The following MACROD2 variants were observed in gnomAD, a reference collection of about 807,000 sequenced individuals.
The protein encoded by MACROD2 is ADP-ribose glycohydrolase MACROD2.
In MACROD2, 36 loss-of-function variants were observed where a neutral mutation model predicts 70.4. The ratio of observed to expected loss-of-function variants is 0.51; its 90% confidence interval spans 0.39 to 0.68. MACROD2 has a LOEUF of 0.68. Ranked by LOEUF, MACROD2 falls within the 30% of genes least tolerant of loss-of-function variation. MACROD2 has a pLI of 0.00. For synonymous variants in MACROD2, 172 were observed against 178.8 expected, an observed-to-expected ratio of 0.96 and a Z score of 0.30; for missense variants, 496 against 538.4, an observed-to-expected ratio of 0.92 and a Z score of 0.78.
At chr20:14,538,832 G>A (rs1179633128) in intron 4 of MACROD2, among the ~76,000 whole-genome samples, 2 of 152,122 alleles carry the variant, frequency 1.3e-5, no homozygotes, top group African/African-American at 4.8e-5. Flanking sequence ...TGTATAGCAT[G>A]TATCCCATTC....
chr20:14,604,671 G>C (rs1345950034), intron 4 of MACROD2, among the ~76,000 whole-genome samples: 1 of 152,120 alleles, frequency 6.6e-6, no homozygotes, highest in African/African-American at 2.4e-5. Flanking sequence ...TCCTCCAACA[G>C]GGATTTGGAA....
chr20:14,180,344 A>G (rs2081296053), intron 3 of MACROD2, among the ~76,000 whole-genome samples: 1 of 152,184 alleles, frequency 6.6e-6, no homozygotes, highest in Non-Finnish European at 1.5e-5. Flanking sequence ...TTCATTATGT[A>G]AATATTTTTT....
chr20:15,164,299 A>G (rs1326808212), intron 5 of MACROD2, among the ~76,000 whole-genome samples: 4 of 152,180 alleles, frequency 2.6e-5, no homozygotes, highest in Non-Finnish European at 4.4e-5. Flanking sequence ...GATTTAAAGT[A>G]TACAGGAAGA....
At chr20:15,377,965 G>A (rs1037852044) in intron 6 of MACROD2, among the ~76,000 whole-genome samples, 1 of 151,992 alleles carries the variant, frequency 6.6e-6, no homozygotes, top group South Asian at 2.1e-4. Context: ...ACACAGGGAG[G>A]GAAACATCAC....
At chr20:15,359,346 T>A (rs1218965012) in intron 6 of MACROD2, among the ~76,000 whole-genome samples, 1 of 152,080 alleles carries the variant, frequency 6.6e-6, no homozygotes, top group Admixed American at 6.6e-5. Flanking sequence ...GGAGATTTTT[T>A]AATTTTTATT....
rs146936985 is a variant in MACROD2, at chr20:15,254,653, C to T, written c.540+24592C>T. ...TACCTGAGTATACCTGAGGGCATAT[C>T]CTTCATTCATCTAACAAACAAGGTG... is the stretch of plus-strand genomic sequence containing the variant. On this transcript the variant is annotated intron_variant, in intron 6 of 17. Coordinates refer to ENST00000684519, the MANE Select transcript of MACROD2 (RefSeq NM_001351661.2). 1.1e-3 allele frequency among the ~76,000 whole-genome samples: 162 copies of T among 152,190 alleles called. 2 individuals carry two copies. Among genetic ancestry groups the T allele is most frequent in the Middle Eastern group, 3.4e-3 (1 of 294 alleles).
chr20:15,630,488 T>G (rs900760779), intron 8 of MACROD2, among the ~76,000 whole-genome samples: 1 of 152,240 alleles, frequency 6.6e-6, no homozygotes, highest in South Asian at 2.1e-4. Context: ...TCTCTCCAAC[T>G]GGATTATAAA....
intron 8 of MACROD2, among the ~76,000 whole-genome samples, chr20:15,770,084 A>ATTTTTTTTTTTTTTTTT (rs1234797549): frequency 8.0e-6 from 1 of 125,704 alleles, no homozygotes; most frequent in Admixed American, 8.0e-5. Flanking sequence ...ATTTATTTTA[A>ATTTTTTTTTTTTTTTTT]TTTTCTTTTT....
rs542167614 is a variant in MACROD2 at position 15,184,216 on chromosome 20, A to G, written c.419-45724A>G. ...CCCATGAGCTTACTGCCCCTGCTTC[A>G]TGATATCCTAACTAAAAGTAAGCTA... is the stretch of plus-strand genomic sequence containing the variant. On this transcript the variant is annotated intron_variant, in intron 5 of 17. Transcript: ENST00000684519. 3.3e-5 allele frequency among the ~76,000 whole-genome samples: 5 copies of G among 152,304 alleles called. No homozygotes were observed. In the South Asian group the frequency reaches 1.0e-3, roughly 32 times the overall value.
At chr20:15,964,505 C>G (rs2066110309) in intron 12 of MACROD2, among the ~76,000 whole-genome samples, 1 of 152,086 alleles carries the variant, frequency 6.6e-6, no homozygotes, top group African/African-American at 2.4e-5. Context: ...TCCTAAGGCC[C>G]CACCCCCTAG....
At chr20:15,377,952 T>C (rs564690823) in intron 6 of MACROD2, among the ~76,000 whole-genome samples, 2 of 151,566 alleles carry the variant, frequency 1.3e-5, no homozygotes, top group South Asian at 2.1e-4. Context: ...TGAGAACACA[T>C]GGACACAGGG....
intron 4 of MACROD2, among the ~76,000 whole-genome samples, chr20:14,560,420 T>C (rs868502766): frequency 6.6e-6 from 1 of 151,800 alleles, no homozygotes. Context: ...AATATTCAGA[T>C]ACAGACATCA....
rs549708482 is a variant in MACROD2 at position 15,526,259 on chromosome 20, C to T, written c.645+26412C>T. On this transcript the variant is annotated intron_variant, in intron 8 of 17. Coordinates refer to ENST00000684519, the MANE Select transcript of MACROD2 (RefSeq NM_001351661.2). ...CCTCATTCCCTTGCTGTAAGTTAGA[C>T]AAAATAAGCTAGCTGGACCCCAAAT... Among the ~76,000 whole-genome samples, 29 of 152,084 alleles carry T rather than the reference C, an allele frequency of 1.9e-4. No individual in the cohort carries two copies. In the South Asian group the frequency reaches 5.0e-3, roughly 26 times the overall value.
At chr20:15,132,827 A>G (rs955189945) in intron 5 of MACROD2, among the ~76,000 whole-genome samples, 3 of 152,116 alleles carry the variant, frequency 2.0e-5, no homozygotes, top group Admixed American at 6.5e-5. Context: ...AAAATACATC[A>G]GGAAGTTGCA....
chr20:16,010,145 T>C (rs552598139), intron 15 of MACROD2, among the ~76,000 whole-genome samples: 1 of 152,280 alleles, frequency 6.6e-6, no homozygotes, highest in South Asian at 2.1e-4. Flanking sequence ...ATTACGAAAA[T>C]CACACTTCAG....
intron 8 of MACROD2, among the ~76,000 whole-genome samples, chr20:15,604,981 A>G (rs1039857694): frequency 2.0e-5 from 3 of 152,186 alleles, no homozygotes; most frequent in Non-Finnish European, 4.4e-5. Flanking sequence ...AGAGCTATAA[A>G]CGGATACACT....
At chr20:15,119,239 A>C (rs1365941721) in intron 5 of MACROD2, among the ~76,000 whole-genome samples, 3 of 152,136 alleles carry the variant, frequency 2.0e-5, no homozygotes, top group Non-Finnish European at 4.4e-5. Flanking sequence ...ATCTAGTTTC[A>C]ATATTTCCCA....
chr20:14,595,615 C>T (rs754846650), intron 4 of MACROD2, among the ~76,000 whole-genome samples: 2 of 152,300 alleles, frequency 1.3e-5, no homozygotes, highest in East Asian at 1.9e-4. Context: ...TTAGTAACAT[C>T]TTTGTCAAGA....
At chr20:15,292,684 T>C (rs1452801974) in intron 6 of MACROD2, among the ~76,000 whole-genome samples, 1 of 152,242 alleles carries the variant, frequency 6.6e-6, no homozygotes, top group Non-Finnish European at 1.5e-5. Flanking sequence ...CTGGGGCCTC[T>C]AGCTATACAA....
Sources: allele counts gnomAD v4.1 joint callset (sites outside exome capture counted in the v4.1 genomes callset), GRCh38; gene constraint gnomAD v4.1.1; transcripts MANE v1.5; gene names NCBI Gene and HGNC (gene_info 2026-07-23, HGNC 2026-07-21).